Variants in MLLT3 observed in about 807,000 individuals in gnomAD.
MLLT3 encodes MLLT3 super elongation complex subunit, also known as protein AF-9.
In MLLT3, 4 loss-of-function variants were observed where a neutral mutation model predicts 53.2. The observed-to-expected ratio is 0.08, with a 90% CI of 0.04 to 0.17. MLLT3 has a LOEUF of 0.17. Among genes scored for constraint, MLLT3 ranks in the 10% least tolerant of loss-of-function variants. The pLI is 1.00. For missense variants in MLLT3, 569 were observed against 684.0 expected, an observed-to-expected ratio of 0.83 and a Z score of 1.87; for synonymous variants, 283 against 230.6, an observed-to-expected ratio of 1.23 and a Z score of -2.06.
chr9:20,444,957 G>C (rs796278693), intron 4 of MLLT3, among the ~76,000 whole-genome samples: 2 of 151,542 alleles, frequency 1.3e-5, no homozygotes, highest in African/African-American at 4.8e-5. Flanking sequence ...TAAATGTGGT[G>C]GCGTGCATCT....
At chr9:20,607,039 C>A (rs561922070) in intron 2 of MLLT3, among the ~76,000 whole-genome samples, 1 of 152,200 alleles carries the variant, frequency 6.6e-6, no homozygotes, top group South Asian at 2.1e-4. Context: ...ACTCCATATG[C>A]TCCAAATAAG....
intron 8 of MLLT3, among the ~76,000 whole-genome samples, chr9:20,355,633 A>G (rs534710287): frequency 6.6e-6 from 1 of 152,352 alleles, no homozygotes; most frequent in East Asian, 1.9e-4. Flanking sequence ...TTAAAAGGGA[A>G]GTATTTTTAA....
intron 2 of MLLT3, among the ~76,000 whole-genome samples, chr9:20,518,099 G>T (rs1016666416): frequency 6.6e-6 from 1 of 152,138 alleles, no homozygotes; most frequent in African/African-American, 2.4e-5. Context: ...TAGCACTTTG[G>T]GAGGTGGAGG....
chr9:20,564,662 A>G (rs568766566), intron 2 of MLLT3, among the ~76,000 whole-genome samples: 30 of 152,324 alleles, frequency 2.0e-4, no homozygotes, highest in African/African-American at 6.7e-4. Context: ...TGAGGGCAAA[A>G]GGGGAGTAAA....
chr9:20,616,104 T>C (rs1820828427), intron 2 of MLLT3, among the ~76,000 whole-genome samples: 2 of 152,154 alleles, frequency 1.3e-5, no homozygotes, highest in South Asian at 4.1e-4. Context: ...TTTGTAAGTG[T>C]AAAAGGATCT....
At chr9:20,404,066 T>C (rs1005054611) in intron 5 of MLLT3, among the ~76,000 whole-genome samples, 33 of 152,196 alleles carry the variant, frequency 2.2e-4, no homozygotes, top group African/African-American at 7.5e-4. Flanking sequence ...AGTTATCCAC[T>C]CACCTTGGCC....
At chr9:20,589,618 A>G (rs1473979036) in intron 2 of MLLT3, among the ~76,000 whole-genome samples, 2 of 151,996 alleles carry the variant, frequency 1.3e-5, no homozygotes, top group Non-Finnish European at 2.9e-5. Context: ...TTTATAAAAA[A>G]AGAATTTGAG....
At chr9:20,451,942 A>G (rs1054547715) in intron 3 of MLLT3, among the ~76,000 whole-genome samples, 16 of 152,322 alleles carry the variant, frequency 1.1e-4, no homozygotes, top group African/African-American at 3.8e-4. Context: ...ATAAGACAGC[A>G]TTAACATATA....
chr9:20,471,366 G>C (rs1824389466), intron 2 of MLLT3, among the ~76,000 whole-genome samples: 1 of 151,992 alleles, frequency 6.6e-6, no homozygotes, highest in East Asian at 1.9e-4. Flanking sequence ...TCTGGAATTT[G>C]AAATATTCAG....
intron 4 of MLLT3, among the ~76,000 whole-genome samples, chr9:20,447,016 G>C (rs910013607): frequency 1.3e-5 from 2 of 152,220 alleles, no homozygotes; most frequent in East Asian, 3.9e-4. Flanking sequence ...CATAATTCAA[G>C]TAAAAGGACA....
chr9:20,568,366 G>C (rs1171411112), intron 2 of MLLT3, among the ~76,000 whole-genome samples: 3 of 152,122 alleles, frequency 2.0e-5, no homozygotes, highest in African/African-American at 7.2e-5. Flanking sequence ...GGGGAGGAAG[G>C]ACTGAAAACT....
rs1347373715 is a variant in MLLT3 at position 20,565,968 on chromosome 9, T to TTTA, written c.193+54685_193+54686insTAA. Among the ~76,000 whole-genome samples the TTTA allele has an allele frequency of 1.9e-3, 63 of 32,786 alleles. 1 individual carries two copies. The highest frequency in any genetic ancestry group is 0.013 in the South Asian group (13 of 976). The allele number at this position is 32,786 out of a possible 152,430, so 21.5% of individuals were successfully genotyped here. ...TATATATATATTTATATATATATAT[T>TTTA]TATATATATATATATTTATTTATAT... On this transcript the variant is annotated intron_variant, in intron 2 of 10. Coordinates refer to ENST00000380338, the MANE Select transcript of MLLT3 (RefSeq NM_004529.4).
chr9:20,357,926 C>T (rs1821209736), intron 8 of MLLT3, among the ~76,000 whole-genome samples: 1 of 151,454 alleles, frequency 6.6e-6, no homozygotes, highest in African/African-American at 2.4e-5. Context: ...AATTCAGATT[C>T]ATACTCTTTC....
chr9:20,544,370 C>A (rs1001532869), intron 2 of MLLT3, among the ~76,000 whole-genome samples: 2 of 152,084 alleles, frequency 1.3e-5, no homozygotes, highest in Non-Finnish European at 1.5e-5. Context: ...GAAAAGGCAA[C>A]CTATGAAATG....
At chr9:20,390,113 C>A (rs2118718544) in intron 5 of MLLT3, among the ~76,000 whole-genome samples, 1 of 151,944 alleles carries the variant, frequency 6.6e-6, no homozygotes, top group African/African-American at 2.4e-5. Context: ...TTCCAATGAA[C>A]TGAAGATAAA....
chr9:20,535,130 G>C (rs377252763), intron 2 of MLLT3, among the ~76,000 whole-genome samples: 4 of 152,098 alleles, frequency 2.6e-5, no homozygotes, highest in Admixed American at 1.3e-4. Flanking sequence ...GTGAGCTAGC[G>C]TTACCGCCTG....
chr9:20,386,898 T>C (rs1486120637), intron 5 of MLLT3, among the ~76,000 whole-genome samples: 2 of 152,228 alleles, frequency 1.3e-5, no homozygotes, highest in Non-Finnish European at 2.9e-5. Context: ...ATAGAAATTA[T>C]TATTCTAATT....
chr9:20,563,441 C>T (rs1819270225), intron 2 of MLLT3, among the ~76,000 whole-genome samples: 3 of 152,102 alleles, frequency 2.0e-5, no homozygotes, highest in Non-Finnish European at 2.9e-5. Context: ...ACAGCCTTTT[C>T]CTTTTCTTTT....
chr9:20,479,964 C>T (rs998094009), intron 2 of MLLT3, among the ~76,000 whole-genome samples: 1 of 152,106 alleles, frequency 6.6e-6, no homozygotes, highest in Non-Finnish European at 1.5e-5. Context: ...TGAACCATTG[C>T]AACAGAGAGT....
Sources: gnomAD v4.1 joint callset for allele counts (sites outside exome capture counted in the v4.1 genomes callset) on GRCh38, gnomAD v4.1.1 for gene constraint, MANE v1.5 for transcripts, NCBI Gene and HGNC (gene_info 2026-07-23, HGNC 2026-07-21) for gene names.